Variants in TECPR1 observed in about 807,000 individuals in gnomAD.
The protein encoded by TECPR1 is tectonin beta-propeller repeat-containing protein 1.
A neutral mutation model predicts 162.4 loss-of-function variants in TECPR1; 122 were observed. The observed-to-expected ratio is 0.75, with a 90% CI of 0.65 to 0.87. TECPR1 has a LOEUF of 0.87. Ranked by LOEUF, TECPR1 falls within the 40% of genes least tolerant of loss-of-function variation. TECPR1 has a pLI of 0.00. For missense variants in TECPR1, 1,432 were observed against 1,618.2 expected (o/e 0.88, Z 1.97); for synonymous variants, 642 against 670.6 (o/e 0.96, Z 0.66).
rs1584341705 is a variant in TECPR1, at chr7:98,233,881, C to T, written c.1212G>A (p.Arg404=). The change falls in exon 11 of 26, where the codon AGG becomes AGA. Residue 404 remains arginine, a synonymous_variant. Transcript: ENST00000447648. ...SAGCFFGDEV[R]GSGESAPSDT... ...CGCTGGGGGCAGACTCGCCACTACC[C>T]CTCACCTCATCACCGAAGAAGCAGC... The T allele has an allele frequency of 8.4e-6, 13 of 1,548,332 alleles. No individual in the cohort carries two copies. The East Asian group carries it at 2.9e-4, about 35-fold the overall frequency.
At chr7:98,242,231 G>A (rs1423462588) in intron 6 of TECPR1, among the ~76,000 whole-genome samples, 1 of 152,212 alleles carries the variant, frequency 6.6e-6, no homozygotes, top group East Asian at 1.9e-4. Context: ...TCAATGCGTG[G>A]TGAGAGCGAC....
chr7:98,231,190 T>C (rs1798424212), intron 14 of TECPR1, 34 bp downstream of exon 14: 1 of 1,607,304 alleles, frequency 6.2e-7, no homozygotes. Flanking sequence ...TGGCTATCCC[T>C]CCCCCCGGCC....
chr7:98,235,849 A>AAAAAAAAAAAAAAAAAAAAAAAAAAAAAC, intron 10 of TECPR1, among the ~76,000 whole-genome samples: 2 of 110,326 alleles, frequency 1.8e-5, no homozygotes, highest in South Asian at 2.6e-4. Context: ...AAAAAAAAAA[A>AAAAAAAAAAAAAAAAAAAAAAAAAAAAAC]AACACCATCT....
chr7:98,217,344 C>A lies in TECPR1; in HGVS notation c.*46G>T. The A allele has an allele frequency of 8.0e-7, 1 of 1,245,236 alleles. No homozygotes were observed. The highest frequency in any genetic ancestry group is 1.1e-6 in the Non-Finnish European group (1 of 896,228). 77.1% of individuals were successfully genotyped at this position (1,245,236 alleles called of 1,614,324 possible). A position where few individuals can be genotyped will look rare whatever the true frequency, so the allele number is the denominator to read the frequency against. ...AGCACAAGAATGGCTCAGCCTTGAT[C>A]CCCCAAACTGGGCACCGTCCCTGCA... On this transcript the variant is annotated 3_prime_UTR_variant, in exon 26 of 26. Transcript: ENST00000447648.
Position 98,231,852 on chromosome 7 carries a change from G to C in TECPR1, c.1926C>G (p.Val642=). 6.2e-7 allele frequency: 1 copy of C among 1,612,828 alleles called. No homozygotes were observed. The highest frequency in any genetic ancestry group is 1.1e-5 in the South Asian group (1 of 91,076). The change falls in exon 13 of 26, where the codon GTC becomes GTG. Residue 642 remains valine (V), a synonymous_variant. Transcript: ENST00000447648. ...ALEQFTGHDG[V]RDSILFIYYV... Reference sequence around the variant, plus strand: ...AGTAGATGAAGAGGATGCTGTCCCGGACGCCGTCGTGCCCCGTGAACTGCT... The same window carrying C: ...AGTAGATGAAGAGGATGCTGTCCCGCACGCCGTCGTGCCCCGTGAACTGCT...
At chr7:98,226,692 C>G (rs1301510450) in intron 17 of TECPR1, 5 of 1,210,500 alleles carry the variant, frequency 4.1e-6, no homozygotes, top group Middle Eastern at 7.2e-4. Flanking sequence ...AATCTCAACA[C>G]TTTGGGAGGC....
Position 98,231,269 on chromosome 7 carries a change from C to A in TECPR1, c.2079G>T (p.Trp693Cys). The A allele has an allele frequency of 6.2e-7, 1 of 1,613,134 alleles. No individual in the cohort carries two copies. Among genetic ancestry groups the A allele is most frequent in the Non-Finnish European group, 8.5e-7 (1 of 1,179,712 alleles). Residue 693 changes from tryptophan (W) to cysteine (C), a missense_variant, in exon 14 of 26, where the codon TGG becomes TGT. Transcript: ENST00000447648. ...LYTPERTRQR[W>C]PVRLAAATEQ... The stretch of plus-strand genomic sequence containing the variant: ...CGGTGGCAGCAGCCAGACGCACCGG[C>A]CACCTCTGCCGTGTCCGCTCAGGGG...
Position 98,233,202 on chromosome 7 carries a change from G to A in TECPR1, c.1672+219C>T, listed in dbSNP as rs1048456062. 21 of 787,058 alleles carry A rather than the reference G, an allele frequency of 2.7e-5. No homozygotes were observed. In the African/African-American group the frequency reaches 3.3e-4, roughly 12 times the overall value. The allele number at this position is 787,058 out of a possible 1,614,324, so 48.8% of individuals were successfully genotyped here. A position where few individuals can be genotyped will look rare whatever the true frequency, so the allele number is the denominator to read the frequency against. ...GGGGAGGGGCTGCAGACAGGGGAAG[G>A]GGCACTGGCCACCGTGCTTCCAGGT... On this transcript the variant is annotated intron_variant, in intron 11 of 25. Transcript: ENST00000447648.
intron 8 of TECPR1, among the ~76,000 whole-genome samples, chr7:98,239,289 A>C (rs1379187203): frequency 6.6e-6 from 1 of 152,080 alleles, no homozygotes; most frequent in Admixed American, 6.6e-5. Context: ...GGTGGCTCAC[A>C]CCTGTAATCC....
chr7:98,229,230 G>A, intron 15 of TECPR1, 64 bp from the exon 16 acceptor site: 1 of 1,521,034 alleles, frequency 6.6e-7, no homozygotes, highest in Non-Finnish European at 8.9e-7. Context: ...CTGCCTGGCT[G>A]CCCTTTTGTT....
rs1394325195 is a variant in TECPR1 at position 98,217,816 on chromosome 7, A to G, written c.3265-5T>C. The stretch of plus-strand genomic sequence containing the variant: ...TTTGTTGGCGATCACCCAGACCTGG[A>G]GCACAGACCCCATGAAGCCCTCAGC... On this transcript the variant is annotated splice_polypyrimidine_tract_variant and splice_region_variant and intron_variant, in intron 24 of 25. Transcript: ENST00000447648. 10 of 1,549,008 alleles carry G rather than the reference A, an allele frequency of 6.5e-6. No homozygotes were observed. Among genetic ancestry groups the G allele is most frequent in the Non-Finnish European group, 8.7e-6 (10 of 1,145,748 alleles).
At chr7:98,222,140 GTCA>G (rs1798157608) in intron 22 of TECPR1, among the ~76,000 whole-genome samples, 1 of 152,178 alleles carries the variant, frequency 6.6e-6, no homozygotes, top group African/African-American at 2.4e-5. Context: ...CACCAGATTG[GTCA>G]CTGTGGAGTG....
At chr7:98,222,927 C>A (rs1288072113) in intron 21 of TECPR1, 63 bp downstream of exon 21, 13 of 1,581,004 alleles carry the variant, frequency 8.2e-6, no homozygotes, top group Non-Finnish European at 1.1e-5. Context: ...AGGGTCTGAG[C>A]CCTGCCGGAC....
rs998196902 is a variant in TECPR1, at chr7:98,245,027, A to C, written c.266T>G (p.Leu89Arg). Residue 89 changes from leucine (L) to arginine (R), a missense_variant, in exon 4 of 26, where the codon CTG (leucine) becomes CGG (arginine). By Grantham distance (102) the Leu-to-Arg change is moderately radical. Coordinates refer to ENST00000447648, the MANE Select transcript of TECPR1 (RefSeq NM_015395.3). ...GTCACTCCACCCCCAGCGGTCACTC[A>C]GCAGGAGCTTCTCACAGAAGCCGCC... The part of the protein sequence containing the change: ...PMGGFCEKLL[L>R]SDRWGWSDVS... 5.0e-6 allele frequency: 8 copies of C among 1,604,260 alleles called. No individual in the cohort carries two copies. The South Asian group carries it at 7.8e-5, about 16-fold the overall frequency.
At chr7:98,230,609 C>T (rs372702970) in intron 15 of TECPR1, among the ~76,000 whole-genome samples, 4 of 152,310 alleles carry the variant, frequency 2.6e-5, no homozygotes, top group African/African-American at 7.2e-5. Context: ...GGCTGAGCAC[C>T]GGGTCTGTGC....
In TECPR1 at chr7:98,241,412, T is replaced by A; in HGVS notation, c.658-168A>T. ...CGCAAACCCTGGATTCCGGTGGTCCTGAGGGATACACTTGTTCCATTCATC... is the reference window on the plus strand; with the variant it reads ...CGCAAACCCTGGATTCCGGTGGTCCAGAGGGATACACTTGTTCCATTCATC... On this transcript the variant is annotated intron_variant, in intron 6 of 25. Coordinates refer to ENST00000447648, the MANE Select transcript of TECPR1 (RefSeq NM_015395.3). This position sits in a 1 kb window ranked among gnomAD's most constrained non-coding sequence, Gnocchi z 5.0. 1.3e-6 allele frequency: 1 copy of A among 763,084 alleles called. No individual in the cohort carries two copies. The highest frequency in any genetic ancestry group is 2.1e-6 in the Non-Finnish European group (1 of 477,458). The allele number at this position is 763,084 out of a possible 1,614,324, so 47.3% of individuals were successfully genotyped here.
intron 19 of TECPR1, 35 bp downstream of exon 19, chr7:98,224,766 C>A: frequency 6.4e-7 from 1 of 1,551,282 alleles, no homozygotes. Flanking sequence ...ACATTCAGGA[C>A]CCAGCCCGAA....
At chr7:98,228,632 G>A in intron 16 of TECPR1, 1 of 214,422 alleles carries the variant, frequency 4.7e-6, no homozygotes, top group South Asian at 9.7e-5. Context: ...CCCCCGTGGG[G>A]CATGTGGGCT....
chr7:98,233,373 A>C, intron 11 of TECPR1, 48 bp downstream of exon 11: 8 of 1,410,390 alleles, frequency 5.7e-6, no homozygotes, highest in Non-Finnish European at 7.4e-6. Flanking sequence ...CCACACCCCC[A>C]GGGCACCTGG....
Sources: allele counts gnomAD v4.1 joint callset (sites outside exome capture counted in the v4.1 genomes callset), GRCh38; gene constraint gnomAD v4.1.1; non-coding constraint Gnocchi (gnomAD v3.1); transcripts MANE v1.5; gene names NCBI Gene and HGNC (gene_info 2026-07-23, HGNC 2026-07-21).